HIPK3: variants seen among roughly 807,000 people sequenced by gnomAD.
HIPK3 encodes homeodomain-interacting protein kinase 3.
HIPK3 carries 47 observed loss-of-function variants against 124.2 expected under a neutral mutation model. The ratio of observed to expected loss-of-function variants is 0.38; its 90% CI spans 0.30 to 0.48. HIPK3 has a LOEUF of 0.48. Ranked by LOEUF, HIPK3 falls within the 20% of genes least tolerant of loss-of-function variation. HIPK3 has a pLI of 0.98. For synonymous variants in HIPK3, 482 were observed against 515.2 expected, an observed-to-expected ratio of 0.94 and a Z score of 0.87; for missense variants, 1,286 against 1,454.3, an observed-to-expected ratio of 0.88 and a Z score of 1.88.
In HIPK3 at chr11:33,257,563, G is replaced by C. The variant is rs2133853265; in HGVS notation, c.-329G>C. ...CGTCGCCCGTAGGCCCCAGTAGCCG[G>C]AGGCCGACCGGCCTCCCACTACCCC... On this transcript the variant is annotated 5_prime_UTR_variant, in exon 1 of 17. Coordinates refer to ENST00000303296, the MANE Select transcript of HIPK3 (RefSeq NM_005734.5). 1.0e-6 allele frequency: 1 copy of C among 985,738 alleles called. No homozygotes were observed. The highest frequency in any genetic ancestry group is 1.2e-6 in the Non-Finnish European group (1 of 830,134). The allele number at this position is 985,738 out of a possible 1,614,324, so 61.1% of individuals were successfully genotyped here. A position where few individuals can be genotyped will look rare whatever the true frequency, so the allele number is the denominator to read the frequency against.
chr11:33,283,067 A>T (rs969235060), intron 1 of HIPK3, among the ~76,000 whole-genome samples: 6 of 152,032 alleles, frequency 3.9e-5, no homozygotes, highest in African/African-American at 1.4e-4. Flanking sequence ...AAAGGTATGG[A>T]ATAGATGTCA....
At chr11:33,311,180 T>G (rs1261590256) in intron 2 of HIPK3, among the ~76,000 whole-genome samples, 1 of 152,206 alleles carries the variant, frequency 6.6e-6, no homozygotes, top group Non-Finnish European at 1.5e-5. Context: ...TGCGCATTGT[T>G]TTTTAAATTG....
intron 1 of HIPK3, among the ~76,000 whole-genome samples, chr11:33,273,413 G>A (rs1431092367): frequency 6.7e-6 from 1 of 148,770 alleles, no homozygotes; most frequent in Non-Finnish European, 1.5e-5. Flanking sequence ...GGAGGCTGAG[G>A]CAGGAGAATG....
rs967435487 is a variant in HIPK3 at position 33,257,778 on chromosome 11, G to T, written c.-114G>T. The T allele has an allele frequency of 1.0e-6, 1 of 987,090 alleles. No individual in the cohort carries two copies. The highest frequency in any genetic ancestry group is 1.2e-6 in the Non-Finnish European group (1 of 831,220). The allele number at this position is 987,090 out of a possible 1,614,324, so 61.1% of individuals were successfully genotyped here. On this transcript the variant is annotated 5_prime_UTR_variant, in exon 1 of 17. Coordinates refer to ENST00000303296, the MANE Select transcript of HIPK3 (RefSeq NM_005734.5). ...AGGGGCTGAGCCCGGGCTGGGTGGT[G>T]CCGCCTGCTGAAGCGCCTGGCTCCC...
At chr11:33,317,507 C>G (rs1035898998) in intron 2 of HIPK3, among the ~76,000 whole-genome samples, 1 of 151,630 alleles carries the variant, frequency 6.6e-6, no homozygotes, top group Non-Finnish European at 1.5e-5. Flanking sequence ...CTCAAGTGAT[C>G]CCTCCCAGCT....
At position 33,351,513 on chromosome 11, in the gene HIPK3, T is replaced by C. The variant is rs1400230929; in HGVS notation, c.2808-95T>C. 9 of 762,936 alleles carry C rather than the reference T, an allele frequency of 1.2e-5. No homozygotes were observed. The East Asian group carries it at 2.3e-4, about 20-fold the overall frequency. 47.3% of individuals were successfully genotyped at this position (762,936 alleles called of 1,614,324 possible). On this transcript the variant is annotated intron_variant, in intron 14 of 16. Coordinates refer to ENST00000303296, the MANE Select transcript of HIPK3 (RefSeq NM_005734.5). ...AATTATATATAAAATAACTGAATAA[T>C]GTTCTCATCAGTTCACTGGAGCCTG...
At chr11:33,280,412 GAA>G (rs762678859) in intron 1 of HIPK3, among the ~76,000 whole-genome samples, 30 of 152,160 alleles carry the variant, frequency 2.0e-4, no homozygotes, top group Non-Finnish European at 3.7e-4. Context: ...GTAGGAGAAG[GAA>G]AAGAGTTAAT....
intron 2 of HIPK3, among the ~76,000 whole-genome samples, chr11:33,302,342 C>CTTTTTTTTTTT (rs58735030): frequency 5.9e-5 from 8 of 135,700 alleles, no homozygotes; most frequent in South Asian, 2.2e-4. Context: ...TTCCTTACTT[C>CTTTTTTTTTTT]TTTTTTTTTT....
chr11:33,291,624 C>G (rs1161659630), intron 2 of HIPK3, among the ~76,000 whole-genome samples: 1 of 152,172 alleles, frequency 6.6e-6, no homozygotes, highest in Non-Finnish European at 1.5e-5. Context: ...AGTATGGTTT[C>G]TGTCAAGAAC....
chr11:33,292,343 T>C (rs561639003), intron 2 of HIPK3, among the ~76,000 whole-genome samples: 7 of 152,200 alleles, frequency 4.6e-5, no homozygotes, highest in Non-Finnish European at 1.0e-4. Flanking sequence ...TTATGTATGT[T>C]CATTAATTTA....
chr11:33,332,282 C>T (rs1339433048), intron 3 of HIPK3, among the ~76,000 whole-genome samples: 4 of 151,970 alleles, frequency 2.6e-5, no homozygotes, highest in Non-Finnish European at 5.9e-5. Flanking sequence ...ATTTTATTTC[C>T]GTTTATATAG....
chr11:33,349,226 A>G lies in HIPK3; in HGVS notation c.2746A>G (p.Ser916Gly). The change falls in exon 14 of 17, where the codon AGT (serine) becomes GGT (glycine). Residue 916 changes from serine to glycine, a missense_variant. By Grantham distance (56) the Ser-to-Gly change is moderately conservative. Transcript: ENST00000303296. ...DRMCSLSSPD[S>G]TLSTSSSGQS... is the part of the protein sequence containing the mutation. ...GATGTGTTCATTAAGTAGTCCTGAT[A>G]GTACTCTGAGTACCAGCTCCTCAGG... 3 of 1,613,666 alleles carry G rather than the reference A, an allele frequency of 1.9e-6. No homozygotes were observed. The highest frequency in any genetic ancestry group is 1.3e-5 in the African/African-American group (1 of 75,034).
At position 33,324,625 on chromosome 11, in the gene HIPK3, G is replaced by A. The variant is rs188666551; in HGVS notation, c.1098-3885G>A. Among the ~76,000 whole-genome samples the A allele has an allele frequency of 1.1e-4, 17 of 152,310 alleles. No homozygotes were observed. In the East Asian group the frequency reaches 3.3e-3, roughly 29 times the overall value. ...TCAGATGTGCTGCAGTGCTCAGGCT[G>A]AGGCCATACTTCCTTTGGGCCCCTT... On this transcript the variant is annotated intron_variant, in intron 2 of 16. Transcript: ENST00000303296.
At chr11:33,292,412 C>T (rs1378915322) in intron 2 of HIPK3, among the ~76,000 whole-genome samples, 1 of 151,952 alleles carries the variant, frequency 6.6e-6, no homozygotes. Flanking sequence ...CAAGAAATGC[C>T]AGGGTGGAGA....
chr11:33,331,549 A>T (rs1852983874), intron 3 of HIPK3, among the ~76,000 whole-genome samples: 1 of 151,914 alleles, frequency 6.6e-6, no homozygotes, highest in African/African-American at 2.4e-5. Flanking sequence ...CTCATTTTTA[A>T]TTTTTTGTAG....
chr11:33,325,363 CA>C (rs1852779741), intron 2 of HIPK3, among the ~76,000 whole-genome samples: 1 of 152,108 alleles, frequency 6.6e-6, no homozygotes, highest in South Asian at 2.1e-4. Flanking sequence ...AAGAATTTTC[CA>C]TATTAAATAT....
At chr11:33,261,832 A>G (rs533094627) in intron 1 of HIPK3, among the ~76,000 whole-genome samples, 1 of 152,302 alleles carries the variant, frequency 6.6e-6, no homozygotes, top group African/African-American at 2.4e-5. Flanking sequence ...TTACATTCCC[A>G]CCAACAGTGT....
chr11:33,336,024 A>G lies in HIPK3; in HGVS notation c.1222-1051A>G, dbSNP rs76695742. ...TTCCGTTCATGGAACTTAGAGTCTC[A>G]TGGAGAGGTAAGAAAATGGAAAGTA... On this transcript the variant is annotated intron_variant, in intron 3 of 16. Transcript: ENST00000303296. 9.9e-3 allele frequency among the ~76,000 whole-genome samples: 1,502 copies of G among 152,282 alleles called. 30 individuals carry two copies. The highest frequency in any genetic ancestry group is 0.033 in the African/African-American group (1,392 of 41,554).
intron 2 of HIPK3, among the ~76,000 whole-genome samples, chr11:33,300,551 G>A (rs1467338473): frequency 6.6e-6 from 1 of 152,076 alleles, no homozygotes; most frequent in Non-Finnish European, 1.5e-5. Flanking sequence ...ACATAATGCT[G>A]TTGCACACTT....
Sources: gnomAD v4.1 joint callset for allele counts (sites outside exome capture counted in the v4.1 genomes callset) on GRCh38, gnomAD v4.1.1 for gene constraint, MANE v1.5 for transcripts, NCBI Gene and HGNC (gene_info 2026-07-23, HGNC 2026-07-21) for gene names.